Variants in ARHGAP42 observed in about 807,000 individuals in gnomAD.
ARHGAP42 encodes the protein Rho GTPase activating protein 42.
A neutral mutation model predicts 125.0 loss-of-function variants in ARHGAP42; 63 were observed. The ratio of observed to expected loss-of-function variants is 0.50; its 90% CI spans 0.41 to 0.62. The LOEUF (loss-of-function observed/expected upper bound fraction) is 0.62. Among genes scored for constraint, ARHGAP42 ranks in the 20% least tolerant of loss-of-function variants. ARHGAP42 has a pLI of 0.00. For synonymous variants in ARHGAP42, 339 were observed against 351.0 expected (o/e 0.97, Z 0.38); for missense variants, 766 against 1,024.2 (o/e 0.75, Z 3.44).
intron 1 of ARHGAP42, among the ~76,000 whole-genome samples, chr11:100,751,353 T>C (rs1862452499): frequency 2.3e-5 from 3 of 131,254 alleles, no homozygotes; most frequent in Non-Finnish European, 5.0e-5. Context: ...CAATCTCAGC[T>C]CACTGTGCAG....
intron 4 of ARHGAP42, among the ~76,000 whole-genome samples, chr11:100,912,100 AG>A (rs1282281266): frequency 6.6e-6 from 1 of 152,166 alleles, no homozygotes. Context: ...ATAACTGAGA[AG>A]AAACTTAAGA....
intron 12 of ARHGAP42, among the ~76,000 whole-genome samples, chr11:100,953,977 A>G (rs1177525375): frequency 2.4e-4 from 2 of 8,504 alleles, no homozygotes; most frequent in Non-Finnish European, 4.7e-4. Flanking sequence ...TGTTTTCTGT[A>G]GTTCTGCCAT....
chr11:100,877,184 T>A lies in ARHGAP42; in HGVS notation c.384+17559T>A, dbSNP rs577900445. Among the ~76,000 whole-genome samples the A allele has an allele frequency of 2.6e-5, 4 of 152,302 alleles. No homozygotes were observed. In the South Asian group the frequency reaches 8.3e-4, roughly 32 times the overall value. On this transcript the variant is annotated intron_variant, in intron 4 of 23. Coordinates refer to ENST00000298815, the MANE Select transcript of ARHGAP42 (RefSeq NM_152432.4). The stretch of plus-strand genomic sequence containing the variant: ...GGAGTATTAAATAGTATTTGTTCAG[T>A]TTTTCTTGATGTTCTAGGAAGTAAA...
chr11:100,780,499 A>G (rs1275624254), intron 2 of ARHGAP42, among the ~76,000 whole-genome samples: 2 of 152,244 alleles, frequency 1.3e-5, no homozygotes, highest in African/African-American at 4.8e-5. Context: ...TGGGCAGAAC[A>G]GTGATGAAGT....
chr11:100,704,786 C>T (rs568088212), intron 1 of ARHGAP42, among the ~76,000 whole-genome samples: 8 of 150,792 alleles, frequency 5.3e-5, no homozygotes, highest in South Asian at 4.3e-4. Context: ...CAAGAATCCC[C>T]GCCCCCGCCG....
chr11:100,940,571 G>A lies in ARHGAP42; in HGVS notation c.833-1213G>A, dbSNP rs569126544. Among the ~76,000 whole-genome samples, 5 of 152,206 alleles carry A rather than the reference G, an allele frequency of 3.3e-5. No homozygotes were observed. The East Asian group carries it at 9.7e-4, about 29-fold the overall frequency. ...ACTGGACAATAACATGGGTGCTATG[G>A]GAAAGGGTTACATGGTATTTTTGGG... On this transcript the variant is annotated intron_variant, in intron 8 of 23. Transcript: ENST00000298815.
chr11:100,833,830 A>C, intron 3 of ARHGAP42, among the ~76,000 whole-genome samples: 1 of 152,184 alleles, frequency 6.6e-6, no homozygotes, highest in African/African-American at 2.4e-5. Context: ...CAGGAGGGAA[A>C]TTGGGCTGTA....
chr11:100,718,675 C>T (rs1174431856), intron 1 of ARHGAP42, among the ~76,000 whole-genome samples: 1 of 152,142 alleles, frequency 6.6e-6, no homozygotes, highest in Non-Finnish European at 1.5e-5. Context: ...GAATCATCTA[C>T]CATGTGGTGC....
At chr11:100,695,151 G>A (rs1466615484) in intron 1 of ARHGAP42, among the ~76,000 whole-genome samples, 3 of 152,234 alleles carry the variant, frequency 2.0e-5, no homozygotes, top group African/African-American at 4.8e-5. Flanking sequence ...TTGTATAAGC[G>A]TAGCAACTTA....
intron 4 of ARHGAP42, among the ~76,000 whole-genome samples, chr11:100,885,282 A>G (rs75333777): frequency 0.052 from 7,938 of 152,258 alleles, 378 homozygotes; most frequent in East Asian, 0.25. Context: ...GGGTATCTCA[A>G]TTAGAGCCAG....
intron 4 of ARHGAP42, among the ~76,000 whole-genome samples, chr11:100,898,530 G>T (rs1866426164): frequency 6.6e-6 from 1 of 152,142 alleles, no homozygotes; most frequent in Non-Finnish European, 1.5e-5. Flanking sequence ...CCTGTTATTG[G>T]TCTATTCAGA....
At chr11:100,725,295 C>T (rs188205021) in intron 1 of ARHGAP42, among the ~76,000 whole-genome samples, 2,838 of 151,818 alleles carry the variant, frequency 0.019, 32 homozygotes, top group Middle Eastern at 0.044. Context: ...CTCAGCCTCC[C>T]GAGTAGCTGG....
intron 3 of ARHGAP42, among the ~76,000 whole-genome samples, chr11:100,852,134 C>T (rs1006487512): frequency 2.0e-5 from 3 of 152,128 alleles, no homozygotes; most frequent in Non-Finnish European, 2.9e-5. Flanking sequence ...TTTCCCTCTT[C>T]TCTCCTGTCC....
At chr11:100,903,603 G>A (rs1033381682) in intron 4 of ARHGAP42, among the ~76,000 whole-genome samples, 6 of 150,774 alleles carry the variant, frequency 4.0e-5, no homozygotes, top group Non-Finnish European at 8.9e-5. Context: ...CCTAATGCCA[G>A]TATTCCTTGT....
chr11:100,831,793 T>G (rs1230314006), intron 3 of ARHGAP42, among the ~76,000 whole-genome samples: 1 of 152,204 alleles, frequency 6.6e-6, no homozygotes, highest in Non-Finnish European at 1.5e-5. Context: ...TACCAAGAGT[T>G]AATTTGGGCA....
intron 1 of ARHGAP42, among the ~76,000 whole-genome samples, chr11:100,713,462 G>A (rs1325449738): frequency 6.6e-6 from 1 of 152,128 alleles, no homozygotes; most frequent in Non-Finnish European, 1.5e-5. Flanking sequence ...AGTTCTTAGC[G>A]CTCTCTGAGG....
At chr11:100,917,411 G>A (rs1046771899) in intron 5 of ARHGAP42, among the ~76,000 whole-genome samples, 18 of 151,926 alleles carry the variant, frequency 1.2e-4, no homozygotes, top group Non-Finnish European at 1.5e-4. Context: ...TTGTTGTGCC[G>A]GACTGTCTTT....
At chr11:100,697,441 C>T (rs1376358942) in intron 1 of ARHGAP42, among the ~76,000 whole-genome samples, 1 of 152,174 alleles carries the variant, frequency 6.6e-6, no homozygotes, top group Non-Finnish European at 1.5e-5. Flanking sequence ...CTCGGCCTCC[C>T]AAAGTGCTGG....
chr11:100,911,030 G>A (rs1461423877), intron 4 of ARHGAP42, among the ~76,000 whole-genome samples: 2 of 152,150 alleles, frequency 1.3e-5, no homozygotes, highest in Non-Finnish European at 2.9e-5. Flanking sequence ...CACCACAGCT[G>A]TGCACTCTCC....
Sources: gnomAD v4.1 joint callset for allele counts (sites outside exome capture counted in the v4.1 genomes callset) on GRCh38, gnomAD v4.1.1 for gene constraint, MANE v1.5 for transcripts, NCBI Gene and HGNC (gene_info 2026-07-23, HGNC 2026-07-21) for gene names.